The following FN1 variants were observed in gnomAD, a reference collection of about 807,000 sequenced individuals.
FN1 encodes fibronectin 1, also known as fibronectin.
Under a neutral mutation model 297.3 loss-of-function variants are expected in FN1, and 106 were observed. That is an observed-to-expected ratio of 0.36 (90% CI 0.30 to 0.42). The LOEUF (loss-of-function observed/expected upper bound fraction) is 0.42. FN1 is among the 10% of genes least tolerant of loss of function. The pLI is 1.00. For synonymous variants in FN1, 1,149 were observed against 1,152.6 expected, an observed-to-expected ratio of 1.00 and a Z score of 0.06; for missense variants, 2,690 against 3,124.9, an observed-to-expected ratio of 0.86 and a Z score of 3.32.
intron 12 of FN1, among the ~76,000 whole-genome samples, chr2:215,418,123 T>C (rs2063695230): frequency 6.6e-6 from 1 of 152,140 alleles, no homozygotes; most frequent in Non-Finnish European, 1.5e-5. Flanking sequence ...AGAAATACAA[T>C]TTAGGAGGTT....
intron 27 of FN1, 116 bp from the exon 28 acceptor site, chr2:215,387,074 A>G (rs1392612441): frequency 2.3e-6 from 2 of 855,656 alleles, no homozygotes. Flanking sequence ...TTCCTGTCTC[A>G]TCAATACCAT....
chr2:215,381,900 G>C (rs2058273399), intron 32 of FN1: 1 of 371,758 alleles, frequency 2.7e-6, no homozygotes, highest in East Asian at 6.9e-5. Flanking sequence ...CCATCCAGTT[G>C]TAGAAAAGAC....
At chr2:215,415,221 G>T (rs1433344975) in intron 12 of FN1, among the ~76,000 whole-genome samples, 1 of 135,756 alleles carries the variant, frequency 7.4e-6, no homozygotes, top group Non-Finnish European at 1.6e-5. Context: ...TTAAAAAAAA[G>T]TCTCTTGGCT....
intron 13 of FN1, among the ~76,000 whole-genome samples, chr2:215,411,910 G>C (rs549828281): frequency 1.3e-5 from 2 of 151,914 alleles, no homozygotes; most frequent in East Asian, 3.9e-4. Flanking sequence ...CTCGTGATCC[G>C]CCCACCTTGG....
Position 215,375,438 on chromosome 2 carries a change from G to A in FN1, c.5978-45C>T, listed in dbSNP as rs775297541. 8 of 1,561,520 alleles carry A rather than the reference G, an allele frequency of 5.1e-6. No homozygotes were observed. The African/African-American group carries it at 1.1e-4, about 21-fold the overall frequency. On this transcript the variant is annotated intron_variant, in intron 37 of 45. Coordinates refer to ENST00000354785, the MANE Select transcript of FN1 (RefSeq NM_212482.4). ...AGTCTCTAAGAAGGCAAATAACCAA[G>A]AAAATTACTCCCACACTTTTCTCCC...
rs757263380 is a variant in FN1 at position 215,394,727 on chromosome 2, AAAAAG to A, written c.3605-13_3605-9del. 20 of 1,611,048 alleles carry A rather than the reference AAAAAG, an allele frequency of 1.2e-5. No individual in the cohort carries two copies. The highest frequency in any genetic ancestry group is 1.6e-5 in the Non-Finnish European group (19 of 1,177,382). On this transcript the variant is annotated splice_polypyrimidine_tract_variant and intron_variant, in intron 23 of 45. Transcript: ENST00000354785. ...TTCTATAACCAGTAATGTCTGGAGA[AAAAAG>A]AAAAGGGAAGTTATTGCACAGAGGA... is the stretch of plus-strand genomic sequence containing the variant.
In FN1 at chr2:215,375,485, A is replaced by G. The variant is rs1449865819; in HGVS notation, c.5978-92T>C. On this transcript the variant is annotated intron_variant, in intron 37 of 45. Coordinates refer to ENST00000354785, the MANE Select transcript of FN1 (RefSeq NM_212482.4). ...TCCCGAGCCGTTCTAAACACACTTA[A>G]AAGAATCTGAGAATACTGTAAACCG... The G allele has an allele frequency of 9.0e-6, 12 of 1,334,982 alleles. No individual in the cohort carries two copies. The East Asian group carries it at 2.4e-4, about 27-fold the overall frequency. The allele number at this position is 1,334,982 out of a possible 1,614,324, so 82.7% of individuals were successfully genotyped here.
intron 12 of FN1, 129 bp downstream of exon 12, chr2:215,419,113 G>T: frequency 1.4e-6 from 1 of 732,300 alleles, no homozygotes; most frequent in Non-Finnish European, 2.4e-6. Context: ...TTGATTATTA[G>T]ATAATAACAA....
chr2:215,370,339 G>T lies in FN1; in HGVS notation c.6808C>A (p.Gln2270Lys), dbSNP rs1476106268. The stretch of plus-strand genomic sequence containing the variant: ...ACCTCTTCCCGAACCTTATGCCTCT[G>T]CTGGTCTTTCAGTGCCTCCACTATG... ...NVIVEALKDQ[Q>K]RHKVREEVVT... Residue 2270 changes from glutamine to lysine, a missense_variant, in exon 41 of 46, where the codon CAG becomes AAG. By Grantham distance (53) the Gln-to-Lys change is moderately conservative. Around this residue, in one of 3 missense-constraint regions of FN1, gnomAD observed 1,743 missense variants for 1,945.2 expected, o/e 0.90. Coordinates refer to ENST00000354785, the MANE Select transcript of FN1 (RefSeq NM_212482.4). The T allele has an allele frequency of 6.2e-7, 1 of 1,613,852 alleles. No individual in the cohort carries two copies. Among genetic ancestry groups the T allele is most frequent in the Non-Finnish European group, 8.5e-7 (1 of 1,180,000 alleles).
Position 215,393,091 on chromosome 2 carries a change from A to C in FN1, c.3909T>G (p.Val1303=), listed in dbSNP as rs200729428. The C allele has an allele frequency of 3.9e-4, 623 of 1,613,944 alleles. 1 individual carries two copies. The highest frequency in any genetic ancestry group is 4.9e-4 in the Non-Finnish European group (579 of 1,180,010). The change falls in exon 25 of 46, where the codon GTT becomes GTG. Residue 1303 remains valine (V), a synonymous_variant. Coordinates refer to ENST00000354785, the MANE Select transcript of FN1 (RefSeq NM_212482.4). The part of the protein sequence containing the change: ...STIIGYRITV[V]AAGEGIPIFE... The stretch of plus-strand genomic sequence containing the variant: ...AAATAGGGATACCTTCTCCTGCCGC[A>C]ACTACTGTGATGCGGTACCCAATAA...
chr2:215,420,692 C>A lies in FN1; in HGVS notation c.1656G>T (p.Arg552Ser), dbSNP rs1257166688. Residue 552 changes from arginine (R) to serine (S), a missense_variant, in exon 11 of 46, where the codon AGG (arginine) becomes AGT (serine). Coordinates refer to ENST00000354785, the MANE Select transcript of FN1 (RefSeq NM_212482.4). ...ACTCACCGACGGGATCACACTTCCACCTGCCCCGACCCTGACCGAAGCATG... is the reference window on the plus strand; with the variant it reads ...ACTCACCGACGGGATCACACTTCCAACTGCCCCGACCCTGACCGAAGCATG... ...NCTCFGQGRG[R>S]WKCDPVDQCQ... The A allele has an allele frequency of 6.2e-7, 1 of 1,614,182 alleles. No individual in the cohort carries two copies. The highest frequency in any genetic ancestry group is 8.5e-7 in the Non-Finnish European group (1 of 1,180,018).
chr2:215,400,033 T>A (rs2106177999), intron 20 of FN1, among the ~76,000 whole-genome samples: 1 of 151,728 alleles, frequency 6.6e-6, no homozygotes, highest in East Asian at 2.0e-4. Context: ...ATTAAAAATA[T>A]GAAAAATTAA....
In FN1 at chr2:215,373,349, C is replaced by G. The variant is rs1179757867; in HGVS notation, c.6220G>C (p.Glu2074Gln). ...VIALKNNQKSEPLIGRKKTDE... is the reference protein window; with the variant it reads ...VIALKNNQKSQPLIGRKKTDE... ...GTCTTTTTCCTTCCAATCAGGGGCT[C>G]GCTCTTCTGATTATTCTTCAGGGCA... The change falls in exon 39 of 46, where the codon GAG (glutamate) becomes CAG (glutamine). Residue 2074 changes from glutamate (E) to glutamine (Q), a missense_variant. This residue lies in a region of FN1 where 1,743 missense variants were observed against 1,945.2 expected (regional missense o/e 0.90). Transcript: ENST00000354785. 24 of 1,613,534 alleles carry G rather than the reference C, an allele frequency of 1.5e-5. No individual in the cohort carries two copies. Among genetic ancestry groups the G allele is most frequent in the Non-Finnish European group, 2.0e-5 (24 of 1,179,616 alleles).
chr2:215,369,361 TCTC>T (rs2055354986), intron 41 of FN1, among the ~76,000 whole-genome samples: 1 of 152,024 alleles, frequency 6.6e-6, no homozygotes, highest in African/African-American at 2.4e-5. Context: ...CACAAAATAA[TCTC>T]CTCCCAACCT....
Position 215,394,570 on chromosome 2 carries a change from C to T in FN1, c.3754G>A (p.Asp1252Asn), listed in dbSNP as rs1559447664. The part of the protein sequence containing the change: ...EYNVSVYTVK[D>N]DKESVPISDT... Reference sequence around the variant, plus strand: ...GAGATAGGGACACTTTCCTTGTCATCCTTGACAGTGTAAACACTGACATTG... The same window carrying T: ...GAGATAGGGACACTTTCCTTGTCATTCTTGACAGTGTAAACACTGACATTG... The change falls in exon 24 of 46, where the codon GAT becomes AAT. Residue 1252 changes from aspartate (D) to asparagine (N), a missense_variant. Transcript: ENST00000354785. 6.2e-7 allele frequency: 1 copy of T among 1,614,102 alleles called. No individual in the cohort carries two copies. Among genetic ancestry groups the T allele is most frequent in the Non-Finnish European group, 8.5e-7 (1 of 1,179,998 alleles).
chr2:215,384,856 G>A lies in FN1; in HGVS notation c.4729+4C>T. On this transcript the variant is annotated splice_donor_region_variant and intron_variant, in intron 29 of 45. Transcript: ENST00000354785. ...GAGTGTAAAATAGCATTTTACTGCT[G>A]TACCTGTCTCTCCGTAAGTGATCCT... 2 of 1,555,176 alleles carry A rather than the reference G, an allele frequency of 1.3e-6. No homozygotes were observed. Among genetic ancestry groups the A allele is most frequent in the Admixed American group, 3.3e-5 (2 of 59,934 alleles).
intron 23 of FN1, among the ~76,000 whole-genome samples, chr2:215,395,094 T>TTC (rs2060161956): frequency 6.6e-6 from 1 of 152,166 alleles, no homozygotes; most frequent in African/African-American, 2.4e-5. Flanking sequence ...CTGCTTTTCC[T>TTC]TAATGAATCA....
intron 40 of FN1, among the ~76,000 whole-genome samples, chr2:215,370,735 C>T (rs2055845397): frequency 6.6e-6 from 1 of 152,044 alleles, no homozygotes; most frequent in Admixed American, 6.6e-5. Flanking sequence ...GCTTCAGTCG[C>T]AGGTCTGCAT....
intron 12 of FN1, among the ~76,000 whole-genome samples, chr2:215,415,430 G>A (rs553177752): frequency 6.6e-6 from 1 of 152,252 alleles, no homozygotes; most frequent in South Asian, 2.1e-4. Context: ...AAGGCCATAT[G>A]AGATGATGTA....
Sources: allele counts gnomAD v4.1 joint callset (sites outside exome capture counted in the v4.1 genomes callset), GRCh38; gene constraint gnomAD v4.1.1; regional missense constraint gnomAD v4.1.1; transcripts MANE v1.5; gene names NCBI Gene and HGNC (gene_info 2026-07-23, HGNC 2026-07-21).